The following DCC variants were observed in gnomAD, a reference collection of about 807,000 sequenced individuals.
DCC encodes DCC netrin 1 receptor, also known as netrin receptor DCC.
Under a neutral mutation model 172.5 loss-of-function variants are expected in DCC, and 58 were observed. That is an observed-to-expected ratio of 0.34 (90% CI 0.27 to 0.42). The LOEUF (loss-of-function observed/expected upper bound fraction) is 0.42, where lower values mean the gene tolerates loss of function less well. Among genes scored for constraint, DCC ranks in the 10% least tolerant of loss-of-function variants. DCC has a pLI of 1.00. For synonymous variants in DCC, 709 were observed against 644.5 expected, an observed-to-expected ratio of 1.10 and a Z score of -1.52; for missense variants, 1,740 against 1,791.0, an observed-to-expected ratio of 0.97 and a Z score of 0.51.
chr18:53,158,781 CAG>C (rs1346791651), intron 8 of DCC, among the ~76,000 whole-genome samples: 1 of 151,936 alleles, frequency 6.6e-6, no homozygotes, highest in African/African-American at 2.4e-5. Context: ...CACCTGAGGT[CAG>C]GAGTTCAAGA....
intron 13 of DCC, among the ~76,000 whole-genome samples, chr18:53,306,357 G>A (rs1166817431): frequency 6.6e-6 from 1 of 152,084 alleles, no homozygotes; most frequent in African/African-American, 2.4e-5. Context: ...ACAGAATGAG[G>A]CGAGGCTTTC....
intron 5 of DCC, among the ~76,000 whole-genome samples, chr18:52,930,704 C>CT (rs912188347): frequency 1.3e-5 from 2 of 151,976 alleles, no homozygotes; most frequent in African/African-American, 4.8e-5. Context: ...AATTTGCTGT[C>CT]TTTTTTGACC....
At chr18:52,392,840 T>C (rs916674679) in intron 1 of DCC, among the ~76,000 whole-genome samples, 1 of 152,142 alleles carries the variant, frequency 6.6e-6, no homozygotes, top group African/African-American at 2.4e-5. Context: ...TCCACTTTTT[T>C]TCAGGATTGG....
At chr18:52,417,335 A>G (rs368396026) in intron 1 of DCC, among the ~76,000 whole-genome samples, 1 of 151,812 alleles carries the variant, frequency 6.6e-6, no homozygotes, top group Non-Finnish European at 1.5e-5. Context: ...TTGGTGAATC[A>G]GACAATTATG....
chr18:52,834,509 G>A (rs761026843), intron 2 of DCC, among the ~76,000 whole-genome samples: 5 of 152,190 alleles, frequency 3.3e-5, no homozygotes, highest in South Asian at 2.1e-4. Flanking sequence ...CAACGTTTCC[G>A]AACTTTTTGT....
intron 5 of DCC, among the ~76,000 whole-genome samples, chr18:52,958,012 G>T (rs1371174496): frequency 2.0e-5 from 3 of 152,126 alleles, no homozygotes; most frequent in Non-Finnish European, 4.4e-5. Context: ...ATTGATTCAA[G>T]ATACTATAAT....
intron 13 of DCC, among the ~76,000 whole-genome samples, chr18:53,310,232 A>G (rs981912709): frequency 6.6e-6 from 1 of 152,098 alleles, no homozygotes; most frequent in East Asian, 1.9e-4. Context: ...CAGGATATAT[A>G]TAGCACTTAC....
chr18:53,391,940 C>T (rs532791972), intron 17 of DCC, 53 bp downstream of exon 17: 40 of 1,106,220 alleles, frequency 3.6e-5, no homozygotes, highest in African/African-American at 7.7e-5. Flanking sequence ...ATTTGTTTAA[C>T]ACATTGTTTT....
chr18:53,372,167 G>A (rs1460105054), intron 15 of DCC, among the ~76,000 whole-genome samples: 1 of 152,068 alleles, frequency 6.6e-6, no homozygotes, highest in Non-Finnish European at 1.5e-5. Flanking sequence ...GTGTGTGTAT[G>A]TTCATTGTTG....
intron 1 of DCC, among the ~76,000 whole-genome samples, chr18:52,366,942 C>T (rs1256460060): frequency 1.3e-5 from 2 of 152,220 alleles, no homozygotes; most frequent in Admixed American, 1.3e-4. Context: ...GACTGGGCGC[C>T]GTGGAGCAGG....
chr18:52,404,464 T>C (rs1986558496), intron 1 of DCC, among the ~76,000 whole-genome samples: 1 of 152,026 alleles, frequency 6.6e-6, no homozygotes, highest in South Asian at 2.1e-4. Context: ...AACACTTCTG[T>C]AACGTTAAAC....
intron 24 of DCC, among the ~76,000 whole-genome samples, chr18:53,460,532 T>G: frequency 6.7e-6 from 1 of 149,514 alleles, no homozygotes; most frequent in East Asian, 2.0e-4. Flanking sequence ...ATATGTGGTG[T>G]TTGGTTTTTT....
At chr18:52,590,004 T>A (rs1787118) in intron 1 of DCC, among the ~76,000 whole-genome samples, 128,056 of 151,830 alleles carry the variant, frequency 0.84, 54,093 homozygotes, top group African/African-American at 0.87. Context: ...TGCTTTTTTT[T>A]AAAAAAAGAT....
intron 7 of DCC, among the ~76,000 whole-genome samples, chr18:53,074,925 G>T (rs979669003): frequency 6.6e-6 from 1 of 152,094 alleles, no homozygotes; most frequent in African/African-American, 2.4e-5. Flanking sequence ...GTAGATAATT[G>T]TCTCAAAGAT....
chr18:53,331,918 T>A (rs2057533241), intron 14 of DCC, among the ~76,000 whole-genome samples: 1 of 152,172 alleles, frequency 6.6e-6, no homozygotes, highest in South Asian at 2.1e-4. Context: ...ATACTTTACA[T>A]TTTTCCCTCT....
At chr18:53,056,067 AG>A (rs1266747005) in intron 5 of DCC, among the ~76,000 whole-genome samples, 1 of 152,150 alleles carries the variant, frequency 6.6e-6, no homozygotes, top group Non-Finnish European at 1.5e-5. Flanking sequence ...TAGGTGTATT[AG>A]TCCATTCTCA....
At chr18:53,106,027 C>G (rs961762653) in intron 7 of DCC, among the ~76,000 whole-genome samples, 2 of 151,490 alleles carry the variant, frequency 1.3e-5, no homozygotes, top group African/African-American at 4.8e-5. Flanking sequence ...TTTACTCGAT[C>G]TCTGTCATTT....
In DCC at chr18:52,344,334, G is replaced by A. The variant is rs547869659; in HGVS notation, c.91+3456G>A. On this transcript the variant is annotated intron_variant, in intron 1 of 28. Coordinates refer to ENST00000442544, the MANE Select transcript of DCC (RefSeq NM_005215.4). ...AATGGGAAGCTTGACAAGATATATG[G>A]GGAGGTGATTTTTTGGTGGGGAGGC... Among the ~76,000 whole-genome samples, 3 of 152,266 alleles carry A rather than the reference G, an allele frequency of 2.0e-5. No individual in the cohort carries two copies. The East Asian group carries it at 5.8e-4, about 29-fold the overall frequency.
At chr18:52,685,392 C>A (rs1328965538) in intron 1 of DCC, among the ~76,000 whole-genome samples, 1 of 152,092 alleles carries the variant, frequency 6.6e-6, no homozygotes, top group Non-Finnish European at 1.5e-5. Context: ...GAATGACAGT[C>A]ATATTGAGCC....
Sources: allele counts gnomAD v4.1 joint callset (sites outside exome capture counted in the v4.1 genomes callset), GRCh38; gene constraint gnomAD v4.1.1; transcripts MANE v1.5; gene names NCBI Gene and HGNC (gene_info 2026-07-23, HGNC 2026-07-21).